The following NBAS variants were observed in gnomAD, a reference collection of about 807,000 sequenced individuals.
NBAS encodes the protein NBAS subunit of NRZ tethering complex.
Under a neutral mutation model 302.5 loss-of-function variants are expected in NBAS, and 219 were observed. That is an observed-to-expected ratio of 0.72 (90% CI 0.65 to 0.81). The LOEUF (loss-of-function observed/expected upper bound fraction) is 0.81, where lower values mean the gene tolerates loss of function less well. Ranked by LOEUF, NBAS falls within the 30% of genes least tolerant of loss-of-function variation. The pLI, the probability that NBAS is intolerant of heterozygous loss-of-function variation, is 0.00. For missense variants in NBAS, 2,932 were observed against 2,841.6 expected (o/e 1.03, Z -0.72); for synonymous variants, 1,118 against 1,021.6 (o/e 1.09, Z -1.80).
At chr2:15,101,611 G>C in the NBAS span, among the ~76,000 whole-genome samples, 3 of 152,040 alleles carry the variant, frequency 2.0e-5, no homozygotes, top group Non-Finnish European at 4.4e-5. Context: ...TTATTGAAGG[G>C]GTAAGATTTG....
intron 32 of NBAS, among the ~76,000 whole-genome samples, chr2:15,358,072 C>T (rs537903511): frequency 1.3e-5 from 2 of 152,200 alleles, no homozygotes; most frequent in South Asian, 4.2e-4. Context: ...GGATCTGCGG[C>T]CTGTTGCTAC....
chr2:15,014,358 T>C, the NBAS span, among the ~76,000 whole-genome samples: 843 of 152,258 alleles, frequency 5.5e-3, 10 homozygotes, highest in African/African-American at 0.019. Context: ...TTTCAGATTC[T>C]CCAGAATGAA....
chr2:15,473,602 G>A (rs1680054508), intron 15 of NBAS, among the ~76,000 whole-genome samples: 1 of 152,152 alleles, frequency 6.6e-6, no homozygotes, highest in Non-Finnish European at 1.5e-5. Flanking sequence ...GCAAAACCAA[G>A]ACAACCATGG....
intron 40 of NBAS, among the ~76,000 whole-genome samples, chr2:15,296,236 A>G (rs558568626): frequency 2.9e-4 from 44 of 152,306 alleles, no homozygotes; most frequent in African/African-American, 1.0e-3. Flanking sequence ...CTACAGATGT[A>G]TAAGAATTTT....
Position 15,394,791 on chromosome 2 carries a change from A to G in NBAS, c.3135-442T>C, listed in dbSNP as rs112676282. 6.8e-3 allele frequency among the ~76,000 whole-genome samples: 1,028 copies of G among 152,256 alleles called. 12 individuals are homozygous for G. Among genetic ancestry groups the G allele is most frequent in the African/African-American group, 0.022 (928 of 41,592 alleles). On this transcript the variant is annotated intron_variant, in intron 27 of 51. Transcript: ENST00000281513. ...TAGACGACTGGAAATCATCAGGCTCATTCTCTGTCAAGAATCCATTTTATA... is the reference window on the plus strand; with the variant it reads ...TAGACGACTGGAAATCATCAGGCTCGTTCTCTGTCAAGAATCCATTTTATA...
intron 9 of NBAS, among the ~76,000 whole-genome samples, chr2:15,532,009 A>ACC (rs1249489892): frequency 1.3e-5 from 2 of 152,144 alleles, no homozygotes; most frequent in Non-Finnish European, 2.9e-5. Flanking sequence ...AGGAAGATAT[A>ACC]CCCTAAGCAC....
At chr2:15,195,298 T>C (rs1665565475) in intron 48 of NBAS, among the ~76,000 whole-genome samples, 1 of 152,122 alleles carries the variant, frequency 6.6e-6, no homozygotes, top group Non-Finnish European at 1.5e-5. Context: ...TTACTGGGAA[T>C]GGGTTCCTGA....
chr2:14,956,125 G>A, the NBAS span, among the ~76,000 whole-genome samples: 1 of 152,180 alleles, frequency 6.6e-6, no homozygotes, highest in South Asian at 2.1e-4. Context: ...CTCTAGGGCA[G>A]GGGCAAAATG....
chr2:14,801,639 G>GT, the NBAS span, among the ~76,000 whole-genome samples: 13 of 151,708 alleles, frequency 8.6e-5, 1 homozygote, highest in Admixed American at 5.2e-4. Flanking sequence ...AGTTTTCAAT[G>GT]TTTTTTTCCT....
chr2:15,101,243 C>T, the NBAS span, among the ~76,000 whole-genome samples: 2 of 152,018 alleles, frequency 1.3e-5, no homozygotes, highest in Non-Finnish European at 2.9e-5. Flanking sequence ...CTAATGAAGC[C>T]TATCCAATCT....
the NBAS span, among the ~76,000 whole-genome samples, chr2:14,962,811 A>C: frequency 6.6e-6 from 1 of 152,096 alleles, no homozygotes; most frequent in Non-Finnish European, 1.5e-5. Flanking sequence ...AGGACACTGA[A>C]ATTTTTAGAT....
the NBAS span, among the ~76,000 whole-genome samples, chr2:14,824,895 C>T: frequency 6.6e-6 from 1 of 152,028 alleles, no homozygotes; most frequent in African/African-American, 2.4e-5. Flanking sequence ...GGAGCAGACA[C>T]GCAGGAAGTG....
At chr2:15,078,905 G>T in the NBAS span, among the ~76,000 whole-genome samples, 1 of 152,134 alleles carries the variant, frequency 6.6e-6, no homozygotes, top group East Asian at 1.9e-4. Flanking sequence ...CAATCCTCCT[G>T]GAGGTGAAGT....
the NBAS span, among the ~76,000 whole-genome samples, chr2:15,018,701 G>A: frequency 6.6e-6 from 1 of 151,834 alleles, no homozygotes; most frequent in African/African-American, 2.4e-5. Flanking sequence ...GTAGAGGAAG[G>A]TAGTTTGAAA....
chr2:15,098,997 A>T, the NBAS span, among the ~76,000 whole-genome samples: 95 of 152,056 alleles, frequency 6.2e-4, no homozygotes, highest in African/African-American at 2.0e-3. Flanking sequence ...ACATATATAC[A>T]CACACATATA....
At chr2:14,962,277 A>T in the NBAS span, among the ~76,000 whole-genome samples, 1 of 152,170 alleles carries the variant, frequency 6.6e-6, no homozygotes, top group African/African-American at 2.4e-5. Context: ...AGCATGCATT[A>T]AACAGCAAGA....
downstream of NBAS, among the ~76,000 whole-genome samples, chr2:15,165,651 T>C (rs1358884096): frequency 1.3e-5 from 2 of 152,072 alleles, no homozygotes; most frequent in African/African-American, 2.4e-5. Context: ...CCAGGTTGTG[T>C]GTAGGGCACC....
chr2:15,502,989 T>G (rs941845775), intron 11 of NBAS, among the ~76,000 whole-genome samples: 1 of 152,252 alleles, frequency 6.6e-6, no homozygotes, highest in Non-Finnish European at 1.5e-5. Context: ...CTACAAACTT[T>G]TGTATTTTAT....
the NBAS span, among the ~76,000 whole-genome samples, chr2:15,158,984 C>T: frequency 1.3e-5 from 2 of 152,202 alleles, no homozygotes; most frequent in Admixed American, 6.5e-5. Context: ...CCTCTGTCAA[C>T]AGGACCCACA....
Sources: gnomAD v4.1 joint callset for allele counts (sites outside exome capture counted in the v4.1 genomes callset) on GRCh38, gnomAD v4.1.1 for gene constraint, MANE v1.5 for transcripts, NCBI Gene and HGNC (gene_info 2026-07-23, HGNC 2026-07-21) for gene names.